The following NRG3 variants were observed in gnomAD, a reference collection of about 807,000 sequenced individuals.
The protein encoded by NRG3 is pro-neuregulin-3, membrane-bound isoform.
In NRG3, 31 loss-of-function variants were observed where a neutral mutation model predicts 66.9. The observed-to-expected ratio is 0.46, with a 90% CI of 0.35 to 0.63. The LOEUF is 0.63. Among genes scored for constraint, NRG3 ranks in the 20% least tolerant of loss-of-function variants. The probability of loss-of-function intolerance (pLI) is 0.00; values close to 1 mark genes in which losing one functional copy is unlikely to be tolerated. For missense variants in NRG3, 910 were observed against 878.9 expected, an observed-to-expected ratio of 1.04 and a Z score of -0.45; for synonymous variants, 393 against 359.4, an observed-to-expected ratio of 1.09 and a Z score of -1.06.
rs541586538 is a variant in NRG3, at chr10:82,478,460, C to G, written c.953+119592C>G. Among the ~76,000 whole-genome samples, 19 of 49,484 alleles carry G rather than the reference C, an allele frequency of 3.8e-4. 7 individuals carry two copies. In the South Asian group the frequency reaches 0.027, roughly 72 times the overall value. The allele number at this position is 49,484 out of a possible 152,430, so 32.5% of individuals were successfully genotyped here. On this transcript the variant is annotated intron_variant, in intron 2 of 8. Transcript: ENST00000372141. The stretch of plus-strand genomic sequence containing the variant: ...ATTAGGGATTGGTGATGACTCTTAA[C>G]GAGCATGCTGCCTTCAAGCATCTGT...
intron 6 of NRG3, among the ~76,000 whole-genome samples, chr10:82,969,867 G>GTA (rs1851565927): frequency 1.3e-5 from 2 of 152,038 alleles, no homozygotes; most frequent in African/African-American, 2.4e-5. Flanking sequence ...TACAAAATCT[G>GTA]TATATATATA....
chr10:82,216,257 A>G (rs1037979059), intron 1 of NRG3, among the ~76,000 whole-genome samples: 4 of 151,498 alleles, frequency 2.6e-5, no homozygotes, highest in African/African-American at 9.7e-5. Context: ...CTGGGATTAC[A>G]TGCACGAACC....
At chr10:82,963,195 A>G (rs1460173353) in intron 6 of NRG3, among the ~76,000 whole-genome samples, 1 of 152,228 alleles carries the variant, frequency 6.6e-6, no homozygotes, top group African/African-American at 2.4e-5. Flanking sequence ...TTGTTGGCCT[A>G]AAGGAAAACA....
At chr10:82,083,999 G>A (rs779744077) in intron 1 of NRG3, among the ~76,000 whole-genome samples, 66 of 151,536 alleles carry the variant, frequency 4.4e-4, no homozygotes, top group Non-Finnish European at 8.6e-4. Flanking sequence ...AGGCTGAGGC[G>A]GGCGGATTAT....
At chr10:82,493,358 C>T (rs1843326421) in intron 2 of NRG3, among the ~76,000 whole-genome samples, 1 of 152,112 alleles carries the variant, frequency 6.6e-6, no homozygotes, top group African/African-American at 2.4e-5. Context: ...TCAGCTCCTA[C>T]TTATAAGTGA....
intron 1 of NRG3, among the ~76,000 whole-genome samples, chr10:82,205,674 A>G (rs961889176): frequency 1.3e-5 from 2 of 152,162 alleles, no homozygotes; most frequent in East Asian, 1.9e-4. Flanking sequence ...AAAAGATGTC[A>G]TTGAAGGCTG....
chr10:81,946,566 G>A (rs1217223197), intron 1 of NRG3, among the ~76,000 whole-genome samples: 1 of 152,086 alleles, frequency 6.6e-6, no homozygotes, highest in African/African-American at 2.4e-5. Context: ...CATGATGAAA[G>A]GTAAGTTTTT....
chr10:82,851,240 T>C (rs2063544941), intron 3 of NRG3, among the ~76,000 whole-genome samples: 1 of 152,218 alleles, frequency 6.6e-6, no homozygotes, highest in African/African-American at 2.4e-5. Context: ...TCCAGCTTCC[T>C]GGGATTTGCA....
At chr10:82,152,843 TTTC>T (rs1257082298) in intron 1 of NRG3, among the ~76,000 whole-genome samples, 7 of 147,134 alleles carry the variant, frequency 4.8e-5, no homozygotes, top group African/African-American at 1.8e-4. Context: ...TCTCTTTTTC[TTTC>T]TTTCTTTCTT....
chr10:81,883,669 C>A (rs570125018), intron 1 of NRG3, among the ~76,000 whole-genome samples: 1 of 152,106 alleles, frequency 6.6e-6, no homozygotes, highest in Non-Finnish European at 1.5e-5. Context: ...TTATGCTAAA[C>A]GTTTGATAAG....
At chr10:82,692,803 C>T (rs749578182) in intron 2 of NRG3, among the ~76,000 whole-genome samples, 37 of 152,196 alleles carry the variant, frequency 2.4e-4, no homozygotes, top group Non-Finnish European at 4.9e-4. Context: ...TCCGTATCTG[C>T]GTAGGCCTTT....
intron 1 of NRG3, among the ~76,000 whole-genome samples, chr10:82,069,588 A>C (rs1385591791): frequency 6.6e-6 from 1 of 152,250 alleles, no homozygotes; most frequent in African/African-American, 2.4e-5. Flanking sequence ...TGCCAGCTCC[A>C]AACCAGGATT....
chr10:82,529,028 C>G (rs1846999865), intron 2 of NRG3, among the ~76,000 whole-genome samples: 1 of 152,196 alleles, frequency 6.6e-6, no homozygotes, highest in Non-Finnish European at 1.5e-5. Flanking sequence ...TTTTGGTAGA[C>G]TGCGACTTTG....
At chr10:82,292,518 A>G (rs1419928603) in intron 1 of NRG3, among the ~76,000 whole-genome samples, 1 of 152,234 alleles carries the variant, frequency 6.6e-6, no homozygotes, top group East Asian at 1.9e-4. Flanking sequence ...GAATATTCAC[A>G]TAGAAACCTC....
chr10:82,286,638 A>G (rs565526306), intron 1 of NRG3, among the ~76,000 whole-genome samples: 1 of 152,230 alleles, frequency 6.6e-6, no homozygotes, highest in Non-Finnish European at 1.5e-5. Flanking sequence ...CCCAGACTGG[A>G]GTGCAGTGGC....
At chr10:82,775,498 A>T (rs1682422250) in intron 3 of NRG3, among the ~76,000 whole-genome samples, 1 of 151,932 alleles carries the variant, frequency 6.6e-6, no homozygotes. Flanking sequence ...TATCTACTCA[A>T]ATTTTTTAAT....
At chr10:82,484,544 C>T (rs555057062) in intron 2 of NRG3, among the ~76,000 whole-genome samples, 1 of 152,150 alleles carries the variant, frequency 6.6e-6, no homozygotes, top group African/African-American at 2.4e-5. Context: ...TTAAAAAATT[C>T]TTGTCTGTTT....
chr10:82,896,599 A>G (rs559000799), intron 4 of NRG3, among the ~76,000 whole-genome samples: 3 of 152,362 alleles, frequency 2.0e-5, no homozygotes, highest in South Asian at 4.1e-4. Context: ...GAACATTGAT[A>G]TATGTAAAAT....
intron 1 of NRG3, among the ~76,000 whole-genome samples, chr10:82,160,883 TAATATGGGAAATA>T (rs2071541163): frequency 6.6e-6 from 1 of 152,014 alleles, no homozygotes; most frequent in Non-Finnish European, 1.5e-5. Context: ...AGCTCACTGT[TAATATGGGAAATA>T]TAAACTAGAA....
Sources: gnomAD v4.1 joint callset for allele counts (sites outside exome capture counted in the v4.1 genomes callset) on GRCh38, gnomAD v4.1.1 for gene constraint, MANE v1.5 for transcripts, NCBI Gene and HGNC (gene_info 2026-07-23, HGNC 2026-07-21) for gene names.